Variants in TRIP12 observed in about 807,000 individuals in gnomAD.
TRIP12 encodes thyroid hormone receptor interactor 12.
TRIP12 carries 25 observed loss-of-function variants against 244.2 expected under a neutral mutation model. That is an observed-to-expected ratio of 0.10 (90% CI 0.07 to 0.14). TRIP12 has a LOEUF of 0.14. Among genes scored for constraint, TRIP12 ranks in the 10% least tolerant of loss-of-function variants. The pLI, the probability that TRIP12 is intolerant of heterozygous loss-of-function variation, is 1.00. For synonymous variants in TRIP12, 905 were observed against 873.1 expected, an observed-to-expected ratio of 1.04 and a Z score of -0.64; for missense variants, 1,677 against 2,486.4, an observed-to-expected ratio of 0.67 and a Z score of 6.92.
chr2:229,867,314 TG>T (rs1389463903), intron 2 of TRIP12, among the ~76,000 whole-genome samples: 1 of 151,878 alleles, frequency 6.6e-6, no homozygotes. Context: ...TACAGGTGCC[TG>T]CCACCATGCC....
At chr2:229,849,862 T>C (rs1165784761) in intron 4 of TRIP12, among the ~76,000 whole-genome samples, 16 of 151,606 alleles carry the variant, frequency 1.1e-4, no homozygotes, top group Admixed American at 9.2e-4. Context: ...AAAGGTCTTA[T>C]ATAACTCTTT....
At position 229,860,510 on chromosome 2, in the gene TRIP12, T is replaced by G. The variant is rs751191063; in HGVS notation, c.120A>C (p.Lys40Asn). The change falls in exon 3 of 42, where the codon AAA becomes AAC. Residue 40 changes from lysine to asparagine, a missense_variant. By Grantham distance (94) the Lys-to-Asn change is moderately conservative. Coordinates refer to ENST00000675903, the MANE Select transcript of TRIP12 (RefSeq NM_001348323.3). ...IGGRSHLGQA[K>N]HKGYSPPESR... ...TCTCAGGAGGGCTATATCCCTTATG[T>G]TTTGCCTGCCCTAAATGTGACCTGT... 14 of 1,609,300 alleles carry G rather than the reference T, an allele frequency of 8.7e-6. No homozygotes were observed. Among genetic ancestry groups the G allele is most frequent in the Non-Finnish European group, 1.1e-5 (13 of 1,178,070 alleles).
rs118094719 is a variant in TRIP12, at chr2:229,843,769, T to C, written c.1028-2842A>G. Reference sequence around the variant, plus strand: ...AGCTGGGCATGGTGATGCATGTCTATAGTCCCAGCTACTTAGGAAGCTGAC... The same window carrying C: ...AGCTGGGCATGGTGATGCATGTCTACAGTCCCAGCTACTTAGGAAGCTGAC... On this transcript the variant is annotated intron_variant, in intron 4 of 41. Coordinates refer to ENST00000675903, the MANE Select transcript of TRIP12 (RefSeq NM_001348323.3). Among the ~76,000 whole-genome samples, 39 of 152,266 alleles carry C rather than the reference T, an allele frequency of 2.6e-4. No individual in the cohort carries two copies. In the East Asian group the frequency reaches 6.8e-3, roughly 26 times the overall value.
At chr2:229,796,830 A>G (rs768973822) in intron 24 of TRIP12, 48 bp from the exon 25 acceptor site, 2 of 1,475,710 alleles carry the variant, frequency 1.4e-6, no homozygotes, top group Admixed American at 4.9e-5. Flanking sequence ...AGCAGCACTT[A>G]AAAAATACAC....
At position 229,766,425 on chromosome 2, in the gene TRIP12, T is replaced by C. The variant is rs1042619859; in HGVS notation, c.*1129A>G. On this transcript the variant is annotated 3_prime_UTR_variant, in exon 42 of 42. Coordinates refer to ENST00000675903, the MANE Select transcript of TRIP12 (RefSeq NM_001348323.3). ...TTTTCAGGTAAAAACATTAACCTGATGGATTATTGCAGATTTGAGAAATCA... is the reference window on the plus strand; with the variant it reads ...TTTTCAGGTAAAAACATTAACCTGACGGATTATTGCAGATTTGAGAAATCA... The C allele has an allele frequency of 5.3e-5, 8 of 152,178 alleles. No individual in the cohort carries two copies. Among genetic ancestry groups the C allele is most frequent in the South Asian group, 4.1e-4 (2 of 4,832 alleles). The allele number at this position is 152,178 out of a possible 1,614,324, so 9.4% of individuals were successfully genotyped here. A position where few individuals can be genotyped will look rare whatever the true frequency, so the allele number is the denominator to read the frequency against.
intron 1 of TRIP12, among the ~76,000 whole-genome samples, chr2:229,915,950 CT>C (rs2075302722): frequency 4.6e-5 from 7 of 152,196 alleles, no homozygotes; most frequent in South Asian, 4.1e-4. Context: ...CTGCCTCAGC[CT>C]CCCAAAGTTC....
intron 2 of TRIP12, among the ~76,000 whole-genome samples, chr2:229,863,303 A>G (rs566250217): frequency 6.6e-6 from 1 of 152,244 alleles, no homozygotes; most frequent in East Asian, 1.9e-4. Context: ...ATTATTTTAA[A>G]GTGTGATATT....
chr2:229,778,245 A>AG lies in TRIP12; in HGVS notation c.5364+187dup, dbSNP rs2036942391. Among the ~76,000 whole-genome samples, 1 of 152,218 alleles carries AG rather than the reference A, an allele frequency of 6.6e-6. No individual in the cohort carries two copies. The highest frequency in any genetic ancestry group is 6.5e-5 in the Admixed American group (1 of 15,280). ...AGGAAAATTTAGAATCTTGGACAGTAGGACAGTCTTACCCCTGCCCTACTG... is the reference window on the plus strand; with the variant it reads ...AGGAAAATTTAGAATCTTGGACAGTAGGGACAGTCTTACCCCTGCCCTACTG... On this transcript the variant is annotated intron_variant, in intron 36 of 41. Transcript: ENST00000675903. This position sits in a 1 kb window ranked among gnomAD's most constrained non-coding sequence, Gnocchi z 4.1.
Position 229,836,947 on chromosome 2 carries a change from C to T in TRIP12, c.1171G>A (p.Glu391Lys). The stretch of plus-strand genomic sequence containing the variant: ...GCCATTTTCTCCTGTCGACGAGCTT[C>T]AGCTGCTCCTCTTTTGCCCAGGCCA... ...GSGLGKRGAA[E>K]ARRQEKMADP... is the part of the protein sequence containing the mutation. The change falls in exon 6 of 42, where the codon GAA (glutamate) becomes AAA (lysine). Residue 391 changes from glutamate to lysine, a missense_variant. Around this residue, in one of 11 missense-constraint regions of TRIP12, gnomAD observed 143 missense variants for 215.6 expected, o/e 0.66. Coordinates refer to ENST00000675903, the MANE Select transcript of TRIP12 (RefSeq NM_001348323.3). The T allele has an allele frequency of 6.3e-7, 1 of 1,593,442 alleles. No individual in the cohort carries two copies. Among genetic ancestry groups the T allele is most frequent in the East Asian group, 2.4e-5 (1 of 42,476 alleles).
chr2:229,840,864 C>T lies in TRIP12; in HGVS notation c.1091G>A (p.Arg364Gln), dbSNP rs373579756. ...GCCCGTGGTCTTTTGGCGTGTGCTC[C>T]GCCTCAAACTGGGGAGCTCAGCAGG... ...SPPAELPSLR[R>Q]STRQKTTGSC... The change falls in exon 5 of 42, where the codon CGG (arginine) becomes CAG (glutamine). Residue 364 changes from arginine to glutamine, a missense_variant. This residue lies in a region of TRIP12 where 143 missense variants were observed against 215.6 expected (regional missense o/e 0.66). Transcript: ENST00000675903. The T allele has an allele frequency of 1.2e-6, 2 of 1,609,650 alleles. No homozygotes were observed. Among genetic ancestry groups the T allele is most frequent in the Non-Finnish European group, 8.5e-7 (1 of 1,178,858 alleles).
rs773495557 is a variant in TRIP12 at position 229,804,198 on chromosome 2, C to G, written c.2680G>C (p.Ala894Pro). 9.3e-6 allele frequency: 15 copies of G among 1,613,496 alleles called. No individual in the cohort carries two copies. The highest frequency in any genetic ancestry group is 2.7e-5 in the African/African-American group (2 of 74,868). Residue 894 changes from alanine (A) to proline (P), a missense_variant, in exon 19 of 42, where the codon GCT becomes CCT. Physicochemically the swap from Ala to Pro is conservative, Grantham distance 27 (BLOSUM62 -1). Coordinates refer to ENST00000675903, the MANE Select transcript of TRIP12 (RefSeq NM_001348323.3). ...TCCTCTTTCATAAGCTGTGCTCGAG[C>G]ATCATCCTTCTTTGACTCTGAATAT... ...SGYSESKKDD[A>P]RAQLMKEDPE...
intron 6 of TRIP12, among the ~76,000 whole-genome samples, chr2:229,832,993 A>C (rs2053850509): frequency 6.6e-6 from 1 of 152,224 alleles, no homozygotes; most frequent in South Asian, 2.1e-4. Context: ...TTAAAAAACA[A>C]ACACACAGAA....
At position 229,797,838 on chromosome 2, in the gene TRIP12, G is replaced by A. The variant is rs1213848367; in HGVS notation, c.3483-7C>T. 6 of 1,608,446 alleles carry A rather than the reference G, an allele frequency of 3.7e-6. No homozygotes were observed. In the Admixed American group the frequency reaches 5.1e-5, roughly 14 times the overall value. ...CCAACCTTTAATTTTTTCTCTACAA[G>A]AAACAAAAAGGAGATATTAAAGTCC... On this transcript the variant is annotated splice_region_variant and splice_polypyrimidine_tract_variant and intron_variant, in intron 23 of 41. Coordinates refer to ENST00000675903, the MANE Select transcript of TRIP12 (RefSeq NM_001348323.3).
Position 229,818,463 on chromosome 2 carries a change from A to C in TRIP12, c.1500T>G (p.Ser500Arg), listed in dbSNP as rs2049049792. The C allele has an allele frequency of 6.2e-7, 1 of 1,614,046 alleles. No homozygotes were observed. Among genetic ancestry groups the C allele is most frequent in the Admixed American group, 1.7e-5 (1 of 60,000 alleles). ...LLQGLQASDE[S>R]QQLQAVIEMC... ...TCTCAATAACTGCCTGAAGCTGTTGACTTTCATCACTGGCTTGCAATCCTT... is the reference window on the plus strand; with the variant it reads ...TCTCAATAACTGCCTGAAGCTGTTGCCTTTCATCACTGGCTTGCAATCCTT... The change falls in exon 9 of 42, where the codon AGT becomes AGG. Residue 500 changes from serine (S) to arginine (R), a missense_variant. Physicochemically the swap from Ser to Arg is moderately radical, Grantham distance 110. Transcript: ENST00000675903.
rs568374641 is a variant in TRIP12 at position 229,803,686 on chromosome 2, G to A, written c.2883C>T (p.His961=). The A allele has an allele frequency of 6.3e-7, 1 of 1,591,864 alleles. No individual in the cohort carries two copies. Among genetic ancestry groups the A allele is most frequent in the South Asian group, 1.2e-5 (1 of 86,638 alleles). Residue 961 remains histidine, a synonymous_variant, in exon 20 of 42, where the codon CAC becomes CAT. Coordinates refer to ENST00000675903, the MANE Select transcript of TRIP12 (RefSeq NM_001348323.3). The stretch of plus-strand genomic sequence containing the variant: ...CTTGGCTTGACAGCATGGAAGCAAT[G>A]TGACTAAAAAAAGAAAGCATTTGTA... The part of the protein sequence containing the change: ...DVLKNHAVSS[H]IASMLSSQDL...
At chr2:229,849,423 G>C (rs1486864269) in intron 4 of TRIP12, among the ~76,000 whole-genome samples, 1 of 152,068 alleles carries the variant, frequency 6.6e-6, no homozygotes, top group African/African-American at 2.4e-5. Context: ...TTTTCCCTAA[G>C]GGGAACACAA....
intron 13 of TRIP12, among the ~76,000 whole-genome samples, chr2:229,811,969 T>C (rs911552808): frequency 2.0e-5 from 3 of 152,226 alleles, no homozygotes; most frequent in South Asian, 2.1e-4. Flanking sequence ...ATTGTGACTA[T>C]TTAAGTTCTC....
Position 229,807,822 on chromosome 2 carries a change from A to C in TRIP12, c.2382T>G (p.Val794=), listed in dbSNP as rs1470813879. The C allele has an allele frequency of 3.1e-6, 5 of 1,614,016 alleles. No homozygotes were observed. The East Asian group carries it at 1.1e-4, about 36-fold the overall frequency. The change falls in exon 17 of 42, where the codon GTT becomes GTG. Residue 794 remains valine (V), a synonymous_variant. Coordinates refer to ENST00000675903, the MANE Select transcript of TRIP12 (RefSeq NM_001348323.3). ...PCLPKEGIFA[V]DTMLKKGNAQ... ...CATTTCCCTTCTTCAACATGGTATC[A>C]ACTGCAAAAATGCCTTCTTTTGGTA...
chr2:229,852,966 A>C (rs2058987263), intron 4 of TRIP12, among the ~76,000 whole-genome samples: 1 of 152,232 alleles, frequency 6.6e-6, no homozygotes, highest in Non-Finnish European at 1.5e-5. Context: ...GTCTTCCCAC[A>C]GCTTTCAATA....
Sources: allele counts gnomAD v4.1 joint callset (sites outside exome capture counted in the v4.1 genomes callset), GRCh38; gene constraint gnomAD v4.1.1; regional missense constraint gnomAD v4.1.1; non-coding constraint Gnocchi (gnomAD v3.1); transcripts MANE v1.5; gene names NCBI Gene and HGNC (gene_info 2026-07-23, HGNC 2026-07-21).